MEGF10: variants seen among roughly 807,000 people sequenced by gnomAD.
MEGF10 encodes multiple epidermal growth factor-like domains protein 10.
Under a neutral mutation model 147.5 loss-of-function variants are expected in MEGF10, and 86 were observed. The observed-to-expected ratio is 0.58, with a 90% CI of 0.49 to 0.70. The LOEUF (loss-of-function observed/expected upper bound fraction) is 0.70, where lower values mean the gene tolerates loss of function less well. Ranked by LOEUF, MEGF10 falls within the 30% of genes least tolerant of loss-of-function variation. The probability of loss-of-function intolerance (pLI) is 0.00; values close to 1 mark genes in which losing one functional copy is unlikely to be tolerated. For synonymous variants in MEGF10, 478 were observed against 525.5 expected (o/e 0.91, Z 1.24); for missense variants, 1,329 against 1,487.3 (o/e 0.89, Z 1.75).
intron 13 of MEGF10, chr5:127,424,749 G>C (rs1455931398): frequency 5.7e-6 from 1 of 174,292 alleles, no homozygotes; most frequent in East Asian, 1.7e-4. Context: ...CAAAACCTGA[G>C]ATAACTTGAC....
At chr5:127,411,984 A>C (rs950264429) in intron 9 of MEGF10, among the ~76,000 whole-genome samples, 3 of 152,268 alleles carry the variant, frequency 2.0e-5, no homozygotes, top group African/African-American at 7.2e-5. Flanking sequence ...TATGAGAAGA[A>C]TTGGAGAAGC....
At chr5:127,353,172 T>TA (rs1459596563) in intron 4 of MEGF10, among the ~76,000 whole-genome samples, 4 of 152,202 alleles carry the variant, frequency 2.6e-5, no homozygotes, top group Non-Finnish European at 4.4e-5. Context: ...TCCAAACTGA[T>TA]ATGTGAATGG....
At chr5:127,339,622 G>A (rs1761603161) in intron 3 of MEGF10, among the ~76,000 whole-genome samples, 1 of 151,972 alleles carries the variant, frequency 6.6e-6, no homozygotes. Flanking sequence ...AGTAAAACAA[G>A]ATGTATTTTT....
At chr5:127,279,697 TCTC>T in the MEGF10 span, among the ~76,000 whole-genome samples, 1 of 152,062 alleles carries the variant, frequency 6.6e-6, no homozygotes, top group Non-Finnish European at 1.5e-5. Flanking sequence ...GTCAAATACT[TCTC>T]CTTCCATTCT....
chr5:127,310,704 T>C (rs1760253209), intron 1 of MEGF10, among the ~76,000 whole-genome samples: 1 of 152,206 alleles, frequency 6.6e-6, no homozygotes, highest in African/African-American at 2.4e-5. Flanking sequence ...AAGGCTCATT[T>C]ATGGATAAAA....
chr5:127,427,393 C>A (rs565338502), intron 13 of MEGF10, among the ~76,000 whole-genome samples: 11 of 151,878 alleles, frequency 7.2e-5, no homozygotes, highest in South Asian at 4.2e-4. Flanking sequence ...ATAGGACACC[C>A]AATGAAACTC....
At chr5:127,417,527 T>C (rs1418497049) in intron 9 of MEGF10, 111 bp from the exon 10 acceptor site, 2 of 1,053,414 alleles carry the variant, frequency 1.9e-6, no homozygotes, top group Non-Finnish European at 2.9e-6. Flanking sequence ...TGAATTATTC[T>C]GCATGGAATT....
chr5:127,424,682 A>G (rs547363968), intron 13 of MEGF10: 15 of 592,080 alleles, frequency 2.5e-5, no homozygotes, highest in African/African-American at 2.4e-4. Context: ...TTTTCTACCA[A>G]TAGGAGCTAC....
At chr5:127,427,949 G>A (rs968242576) in intron 13 of MEGF10, among the ~76,000 whole-genome samples, 1 of 152,080 alleles carries the variant, frequency 6.6e-6, no homozygotes, top group African/African-American at 2.4e-5. Context: ...GTATATGTCT[G>A]TCTGTTTGGT....
At chr5:127,344,145 T>A (rs1761785603) in intron 4 of MEGF10, among the ~76,000 whole-genome samples, 1 of 152,186 alleles carries the variant, frequency 6.6e-6, no homozygotes, top group African/African-American at 2.4e-5. Flanking sequence ...AAACATGCAT[T>A]GATTGACCTA....
At chr5:127,348,801 G>A (rs995021737) in intron 4 of MEGF10, among the ~76,000 whole-genome samples, 29 of 152,050 alleles carry the variant, frequency 1.9e-4, no homozygotes, top group African/African-American at 5.8e-4. Context: ...AATGGAATTC[G>A]TACATTTAAT....
chr5:127,258,939 T>A, the MEGF10 span, among the ~76,000 whole-genome samples: 2 of 152,202 alleles, frequency 1.3e-5, no homozygotes, highest in South Asian at 4.1e-4. Context: ...GACACCTAGT[T>A]ATATATCCAT....
the MEGF10 span, among the ~76,000 whole-genome samples, chr5:127,261,902 T>G: frequency 6.6e-6 from 1 of 152,224 alleles, no homozygotes; most frequent in African/African-American, 2.4e-5. Flanking sequence ...GCCATTAGTA[T>G]ATCTTCTTTG....
At chr5:127,318,213 G>A (rs907708534) in intron 1 of MEGF10, among the ~76,000 whole-genome samples, 6 of 152,106 alleles carry the variant, frequency 3.9e-5, no homozygotes, top group Admixed American at 3.9e-4. Context: ...GAATCTGCCA[G>A]CGCCTTGATT....
the MEGF10 span, among the ~76,000 whole-genome samples, chr5:127,281,969 G>C: frequency 6.6e-6 from 1 of 152,184 alleles, no homozygotes; most frequent in African/African-American, 2.4e-5. Flanking sequence ...GGAAACTCAG[G>C]CATTTTTGCC....
At position 127,441,761 on chromosome 5, in the gene MEGF10, G is replaced by T. The variant is rs575056231; in HGVS notation, c.2362+894G>T. On this transcript the variant is annotated intron_variant, in intron 18 of 24. Transcript: ENST00000503335. The stretch of plus-strand genomic sequence containing the variant: ...ATGGCCATAGGAGTGGTGTGGCCTG[G>T]AAAGATTGATCAGGATAGCAGGACT... 1.1e-4 allele frequency among the ~76,000 whole-genome samples: 17 copies of T among 152,170 alleles called. No homozygotes were observed. In the South Asian group the frequency reaches 3.5e-3, roughly 32 times the overall value.
intron 4 of MEGF10, among the ~76,000 whole-genome samples, chr5:127,364,264 C>T (rs144080448): frequency 1.8e-3 from 268 of 152,284 alleles, no homozygotes; most frequent in African/African-American, 6.1e-3. Flanking sequence ...GTACCTACTA[C>T]CCATCAATCC....
the MEGF10 span, among the ~76,000 whole-genome samples, chr5:127,244,309 A>T: frequency 6.7e-6 from 1 of 150,068 alleles, no homozygotes; most frequent in Admixed American, 6.7e-5. Context: ...AAATAGTATT[A>T]TTGGGCTATC....
At chr5:127,291,616 A>T (rs1482426448) in intron 1 of MEGF10, among the ~76,000 whole-genome samples, 2 of 152,088 alleles carry the variant, frequency 1.3e-5, no homozygotes, top group Non-Finnish European at 2.9e-5. Flanking sequence ...CTTAGACCAA[A>T]GGGGCCTTGT....
Sources: gnomAD v4.1 joint callset for allele counts (sites outside exome capture counted in the v4.1 genomes callset) on GRCh38, gnomAD v4.1.1 for gene constraint, MANE v1.5 for transcripts, NCBI Gene and HGNC (gene_info 2026-07-23, HGNC 2026-07-21) for gene names.